Variants in CNTNAP2 observed in about 807,000 individuals in gnomAD.
The protein encoded by CNTNAP2 is contactin associated protein 2.
In CNTNAP2, 98 loss-of-function variants were observed where a neutral mutation model predicts 155.2. That is an observed-to-expected ratio of 0.63 (90% CI 0.54 to 0.75). The LOEUF is 0.75. Ranked by LOEUF, CNTNAP2 falls within the 30% of genes least tolerant of loss-of-function variation. The pLI, the probability that CNTNAP2 is intolerant of heterozygous loss-of-function variation, is 0.00. For missense variants in CNTNAP2, 1,727 were observed against 1,688.1 expected (o/e 1.02, Z -0.40); for synonymous variants, 651 against 631.2 (o/e 1.03, Z -0.47).
chr7:148,088,247 A>G lies in CNTNAP2; in HGVS notation c.2384-29871A>G, dbSNP rs184642122. Among the ~76,000 whole-genome samples, 24 of 152,218 alleles carry G rather than the reference A, an allele frequency of 1.6e-4. No individual in the cohort carries two copies. The East Asian group carries it at 4.0e-3, about 26-fold the overall frequency. ...TTTAGTTTTTATATTTGTATGAATC[A>G]GCTACTTCAAACCCTTAATAAAATC... On this transcript the variant is annotated intron_variant, in intron 15 of 23. Transcript: ENST00000361727.
intron 8 of CNTNAP2, among the ~76,000 whole-genome samples, chr7:147,266,886 T>G (rs543804838): frequency 6.6e-6 from 1 of 152,362 alleles, no homozygotes; most frequent in East Asian, 1.9e-4. Context: ...TATAGAATAC[T>G]TATTTCATTT....
chr7:146,500,309 G>T (rs1042449679), intron 1 of CNTNAP2, among the ~76,000 whole-genome samples: 2 of 152,156 alleles, frequency 1.3e-5, no homozygotes, highest in Non-Finnish European at 2.9e-5. Flanking sequence ...AAGGAAGAAG[G>T]CTTTAATCAG....
intron 6 of CNTNAP2, among the ~76,000 whole-genome samples, chr7:147,126,495 C>A (rs199587755): frequency 6.6e-6 from 1 of 152,076 alleles, no homozygotes; most frequent in Non-Finnish European, 1.5e-5. Flanking sequence ...ATATTTGAGA[C>A]GGACTCTTTC....
At chr7:148,159,623 C>A (rs1413485265) in intron 17 of CNTNAP2, among the ~76,000 whole-genome samples, 1 of 152,184 alleles carries the variant, frequency 6.6e-6, no homozygotes, top group African/African-American at 2.4e-5. Context: ...TATGTGCATT[C>A]TCTGCCACCT....
At chr7:146,840,577 A>C (rs1377885075) in intron 3 of CNTNAP2, among the ~76,000 whole-genome samples, 1 of 152,138 alleles carries the variant, frequency 6.6e-6, no homozygotes, top group Admixed American at 6.6e-5. Context: ...TGTCATCAAT[A>C]TTAAACCAGA....
At chr7:146,580,881 T>A (rs1178798583) in intron 1 of CNTNAP2, among the ~76,000 whole-genome samples, 2 of 152,084 alleles carry the variant, frequency 1.3e-5, no homozygotes, top group East Asian at 3.9e-4. Flanking sequence ...ATAAATGGGA[T>A]GTTTAGATAC....
chr7:146,410,495 T>A (rs1795850367), intron 1 of CNTNAP2, among the ~76,000 whole-genome samples: 1 of 152,290 alleles, frequency 6.6e-6, no homozygotes, highest in South Asian at 2.1e-4. Context: ...TCTATAGATA[T>A]CATTTTTTTG....
chr7:147,945,184 G>A (rs2116820934), intron 14 of CNTNAP2, among the ~76,000 whole-genome samples: 1 of 152,160 alleles, frequency 6.6e-6, no homozygotes, highest in Non-Finnish European at 1.5e-5. Flanking sequence ...TAAGATCATA[G>A]CAAATATTTT....
At chr7:146,299,555 G>T (rs1318195222) in intron 1 of CNTNAP2, among the ~76,000 whole-genome samples, 2 of 151,930 alleles carry the variant, frequency 1.3e-5, no homozygotes, top group African/African-American at 4.8e-5. Context: ...TAATTTTTTA[G>T]TTATTTTATT....
intron 14 of CNTNAP2, among the ~76,000 whole-genome samples, chr7:147,930,003 G>A (rs1487841000): frequency 6.6e-6 from 1 of 152,166 alleles, no homozygotes; most frequent in East Asian, 1.9e-4. Context: ...CGGAGCTCAG[G>A]CGGGAATGCT....
chr7:146,933,808 G>T (rs1037173803), intron 3 of CNTNAP2, among the ~76,000 whole-genome samples: 1 of 151,984 alleles, frequency 6.6e-6, no homozygotes, highest in African/African-American at 2.4e-5. Context: ...CTCAAAAGAA[G>T]ACATTTATGC....
intron 8 of CNTNAP2, among the ~76,000 whole-genome samples, chr7:147,140,101 G>A (rs901203767): frequency 1.3e-5 from 2 of 151,630 alleles, no homozygotes; most frequent in African/African-American, 2.4e-5. Context: ...CATTCTCTAC[G>A]ATTCAATTTT....
At chr7:147,237,857 C>T (rs528276277) in intron 8 of CNTNAP2, among the ~76,000 whole-genome samples, 2 of 152,180 alleles carry the variant, frequency 1.3e-5, no homozygotes, top group African/African-American at 4.8e-5. Flanking sequence ...TGAAACAGTC[C>T]TGGAAAAACA....
intron 14 of CNTNAP2, among the ~76,000 whole-genome samples, chr7:147,972,260 A>T (rs1033792801): frequency 3.9e-5 from 6 of 152,170 alleles, no homozygotes; most frequent in African/African-American, 1.4e-4. Context: ...CAGAGTAAAC[A>T]TTTTTTAAGG....
intron 14 of CNTNAP2, among the ~76,000 whole-genome samples, chr7:147,939,323 G>C (rs1018683973): frequency 2.1e-4 from 32 of 150,780 alleles, no homozygotes; most frequent in Non-Finnish European, 1.5e-5. Context: ...GACTATTCAT[G>C]TAGGATTTTT....
chr7:146,410,587 A>G (rs908078382), intron 1 of CNTNAP2, among the ~76,000 whole-genome samples: 1 of 152,054 alleles, frequency 6.6e-6, no homozygotes, highest in East Asian at 1.9e-4. Context: ...TGTACAGACT[A>G]TTTCATCACC....
intron 1 of CNTNAP2, among the ~76,000 whole-genome samples, chr7:146,647,047 A>G (rs1199855020): frequency 6.6e-6 from 1 of 152,214 alleles, no homozygotes; most frequent in Non-Finnish European, 1.5e-5. Flanking sequence ...ACTCCCGGCC[A>G]TATGCCCTAT....
intron 1 of CNTNAP2, among the ~76,000 whole-genome samples, chr7:146,702,812 G>T (rs980638127): frequency 1.3e-5 from 2 of 152,072 alleles, no homozygotes; most frequent in African/African-American, 4.8e-5. Context: ...GCTTTCAGAT[G>T]CTTGCTCTAA....
intron 1 of CNTNAP2, among the ~76,000 whole-genome samples, chr7:146,763,499 G>C (rs977289482): frequency 6.6e-6 from 1 of 151,992 alleles, no homozygotes; most frequent in Admixed American, 6.6e-5. Context: ...GTTGTTCACT[G>C]TTGTCCCCCA....
Sources: gnomAD v4.1 joint callset for allele counts (sites outside exome capture counted in the v4.1 genomes callset) on GRCh38, gnomAD v4.1.1 for gene constraint, MANE v1.5 for transcripts, NCBI Gene and HGNC (gene_info 2026-07-23, HGNC 2026-07-21) for gene names.